Variants in DPP8 observed in about 807,000 individuals in gnomAD.
DPP8 encodes the protein dipeptidyl peptidase 8.
DPP8 carries 31 observed loss-of-function variants against 107.5 expected under a neutral mutation model. The observed-to-expected ratio is 0.29, with a 90% CI of 0.22 to 0.39. The LOEUF (loss-of-function observed/expected upper bound fraction) is 0.39. Among genes scored for constraint, DPP8 ranks in the 10% least tolerant of loss-of-function variants. The pLI is 1.00. For synonymous variants in DPP8, 381 were observed against 356.6 expected (o/e 1.07, Z -0.77); for missense variants, 842 against 1,076.1 (o/e 0.78, Z 3.04).
chr15:65,456,896 A>G (rs1487738083), intron 15 of DPP8, among the ~76,000 whole-genome samples: 1 of 152,036 alleles, frequency 6.6e-6, no homozygotes, highest in Non-Finnish European at 1.5e-5. Flanking sequence ...AACACTATCA[A>G]GTTGGTTCTA....
chr15:65,475,432 A>G lies in DPP8; in HGVS notation c.1457-1144T>C, dbSNP rs2066295191. ...CTTTGCCACTCAAATATACCTTATT[A>G]TGGCATTCAGGGAGCCAGGGTCCAG... On this transcript the variant is annotated intron_variant, in intron 11 of 19. Transcript: ENST00000300141. 2.5e-6 allele frequency: 4 copies of G among 1,572,288 alleles called. No individual in the cohort carries two copies. In the Admixed American group the frequency reaches 6.8e-5, roughly 27 times the overall value.
Position 65,475,508 on chromosome 15 carries a change from C to T in DPP8, c.1457-1220G>A, listed in dbSNP as rs1055597558. On this transcript the variant is annotated intron_variant, in intron 11 of 19. Transcript: ENST00000300141. The stretch of plus-strand genomic sequence containing the variant: ...CACTCCCACATAGGCCATCACATGA[C>T]CTGCCATAAAGGCATTAAAACCAGC... 6.1e-6 allele frequency: 9 copies of T among 1,472,672 alleles called. No homozygotes were observed. In the African/African-American group the frequency reaches 8.4e-5, roughly 14 times the overall value. 91.2% of individuals were successfully genotyped at this position (1,472,672 alleles called of 1,614,324 possible).
At chr15:65,475,317 G>T in intron 11 of DPP8, 1 of 930,810 alleles carries the variant, frequency 1.1e-6, no homozygotes, top group Non-Finnish European at 1.7e-6. Context: ...TGGAAGTTGG[G>T]TCAGCTGCTG....
chr15:65,445,305 G>A lies in DPP8; in HGVS notation c.*1579C>T, dbSNP rs2063456856. The A allele has an allele frequency of 6.6e-6, 1 of 152,190 alleles. No individual in the cohort carries two copies. Among genetic ancestry groups the A allele is most frequent in the African/African-American group, 2.4e-5 (1 of 41,436 alleles). The allele number at this position is 152,190 out of a possible 1,614,324, so 9.4% of individuals were successfully genotyped here. ...AAGAAATATAGCAAATTTTCTTGGA[G>A]TGTTGTTTAAAAGTATTGGTAATAA... On this transcript the variant is annotated 3_prime_UTR_variant, in exon 20 of 20. Transcript: ENST00000300141.
chr15:65,467,072 T>C lies in DPP8; in HGVS notation c.1688A>G (p.Gln563Arg). 1.9e-6 allele frequency: 3 copies of C among 1,614,166 alleles called. No homozygotes were observed. Among genetic ancestry groups the C allele is most frequent in the South Asian group, 2.2e-5 (2 of 91,078 alleles). ...ACCCTTTTTAAACAAACTTAATACC[T>C]GACTGATGCAGCAAGAATGTGAGTA... ...RGYSHSCCIS[Q>R]HCDFFISKYS... The change falls in exon 13 of 20, where the codon CAG (glutamine) becomes CGG (arginine). Residue 563 changes from glutamine (Q) to arginine (R), a missense_variant and splice_region_variant. This residue lies in a region of DPP8 where 663 missense variants were observed against 758.0 expected (regional missense o/e 0.87). Coordinates refer to ENST00000300141, the MANE Select transcript of DPP8 (RefSeq NM_130434.5).
intron 11 of DPP8, 137 bp from the exon 12 acceptor site, chr15:65,474,425 G>C (rs926800452): frequency 1.6e-6 from 1 of 635,988 alleles, no homozygotes; most frequent in Non-Finnish European, 2.8e-6. Context: ...ACTAGACAGA[G>C]ATGATGGTTG....
intron 5 of DPP8, among the ~76,000 whole-genome samples, chr15:65,495,818 G>A (rs1429432688): frequency 6.6e-6 from 1 of 151,674 alleles, no homozygotes; most frequent in Non-Finnish European, 1.5e-5. Flanking sequence ...AGAGGCGAAG[G>A]TTGCAGTGAG....
chr15:65,486,969 AACT>A (rs1043594577), intron 7 of DPP8, among the ~76,000 whole-genome samples: 10 of 152,142 alleles, frequency 6.6e-5, no homozygotes, highest in African/African-American at 2.2e-4. Context: ...GTTCCTCAAA[AACT>A]ACTGAAATAA....
chr15:65,482,169 A>G (rs1244074022), intron 8 of DPP8, among the ~76,000 whole-genome samples: 1 of 151,968 alleles, frequency 6.6e-6, no homozygotes, highest in Non-Finnish European at 1.5e-5. Context: ...AGTAGCTGAG[A>G]CTACAGGTAA....
At chr15:65,512,242 T>G in intron 2 of DPP8, 53 bp downstream of exon 2, 2 of 1,538,990 alleles carry the variant, frequency 1.3e-6, no homozygotes, top group Non-Finnish European at 8.8e-7. Context: ...ACCTAGACTT[T>G]AAGTTTGACT....
intron 8 of DPP8, among the ~76,000 whole-genome samples, chr15:65,484,832 T>C (rs2067251895): frequency 6.6e-6 from 1 of 152,148 alleles, no homozygotes; most frequent in South Asian, 2.1e-4. Flanking sequence ...ATAACTACCT[T>C]TTTTTCTTTT....
chr15:65,448,889 TA>T (rs1206609944), intron 19 of DPP8, among the ~76,000 whole-genome samples: 13 of 68,668 alleles, frequency 1.9e-4, no homozygotes, highest in African/African-American at 7.3e-4. Context: ...TATATATATA[TA>T]TATATATATA....
chr15:65,455,954 G>A, intron 16 of DPP8: 2 of 882,832 alleles, frequency 2.3e-6, no homozygotes, highest in Non-Finnish European at 1.6e-6. Context: ...GATGCTGAAA[G>A]CTAAATGGTG....
chr15:65,483,902 A>G (rs1252905017), intron 8 of DPP8, among the ~76,000 whole-genome samples: 1 of 152,230 alleles, frequency 6.6e-6, no homozygotes, highest in Non-Finnish European at 1.5e-5. Flanking sequence ...AAATAAATGA[A>G]GTATTGACAC....
At chr15:65,498,149 T>TAAGTCACCACGCCC in intron 4 of DPP8, 117 bp from the exon 5 acceptor site, 2 of 777,294 alleles carry the variant, frequency 2.6e-6, no homozygotes, top group South Asian at 3.4e-5. Flanking sequence ...AGGCCGGGCG[T>TAAGTCACCACGCCC]GGTGACTTAC....
intron 15 of DPP8, among the ~76,000 whole-genome samples, chr15:65,461,614 T>TC (rs1042170030): frequency 4.6e-5 from 7 of 152,078 alleles, no homozygotes; most frequent in African/African-American, 1.7e-4. Flanking sequence ...AAGCCTTTTT[T>TC]TTTTTTGAGA....
At chr15:65,509,310 A>G (rs2070461600) in intron 2 of DPP8, among the ~76,000 whole-genome samples, 1 of 152,098 alleles carries the variant, frequency 6.6e-6, no homozygotes. Flanking sequence ...AAAAGACAAA[A>G]CTGGTTTTCT....
At chr15:65,491,091 G>T (rs1413500140) in intron 5 of DPP8, among the ~76,000 whole-genome samples, 1 of 149,822 alleles carries the variant, frequency 6.7e-6, no homozygotes, top group Non-Finnish European at 1.5e-5. Flanking sequence ...CCGGGAGGTG[G>T]AGGTTGCACT....
At chr15:65,511,948 C>A (rs1466151070) in intron 2 of DPP8, 6 of 372,202 alleles carry the variant, frequency 1.6e-5, no homozygotes, top group Non-Finnish European at 2.7e-5. Context: ...ATTAAAAAAA[C>A]AAAAGCAGCA....
Sources: allele counts gnomAD v4.1 joint callset (sites outside exome capture counted in the v4.1 genomes callset), GRCh38; gene constraint gnomAD v4.1.1; regional missense constraint gnomAD v4.1.1; transcripts MANE v1.5; gene names NCBI Gene and HGNC (gene_info 2026-07-23, HGNC 2026-07-21).